PLEKHM3: variants seen among roughly 807,000 people sequenced by gnomAD.
PLEKHM3 encodes the protein pleckstrin homology domain containing M3.
PLEKHM3 carries 45 observed loss-of-function variants against 81.8 expected under a neutral mutation model. The ratio of observed to expected loss-of-function variants is 0.55; its 90% CI spans 0.43 to 0.71. The LOEUF (loss-of-function observed/expected upper bound fraction) is 0.71. Among genes scored for constraint, PLEKHM3 ranks in the 30% least tolerant of loss-of-function variants. The probability of loss-of-function intolerance (pLI) is 0.00; values close to 1 mark genes in which losing one functional copy is unlikely to be tolerated. For missense variants in PLEKHM3, 788 were observed against 924.3 expected, an observed-to-expected ratio of 0.85 and a Z score of 1.91; for synonymous variants, 352 against 356.4, an observed-to-expected ratio of 0.99 and a Z score of 0.14.
chr2:207,924,583 G>C (rs142647164), intron 5 of PLEKHM3, among the ~76,000 whole-genome samples: 2,335 of 152,278 alleles, frequency 0.015, 53 homozygotes, highest in African/African-American at 0.053. Flanking sequence ...TATTCAGGAG[G>C]CTGAGGCAGG....
chr2:207,973,481 G>A (rs1691194503), intron 3 of PLEKHM3, among the ~76,000 whole-genome samples: 1 of 152,236 alleles, frequency 6.6e-6, no homozygotes, highest in Non-Finnish European at 1.5e-5. Context: ...GCTTACGCCT[G>A]TAATCCCAGC....
chr2:208,014,666 G>A (rs775406852), intron 1 of PLEKHM3, among the ~76,000 whole-genome samples: 3 of 152,200 alleles, frequency 2.0e-5, no homozygotes, highest in Non-Finnish European at 4.4e-5. Flanking sequence ...AGAGTAGTAA[G>A]AACTATGTTT....
chr2:207,848,794 C>G (rs1382337426), intron 7 of PLEKHM3, among the ~76,000 whole-genome samples: 1 of 152,146 alleles, frequency 6.6e-6, no homozygotes, highest in Non-Finnish European at 1.5e-5. Context: ...AAACGTTGAG[C>G]GTGTTGGGAG....
intron 1 of PLEKHM3, among the ~76,000 whole-genome samples, chr2:208,021,527 T>C (rs1041859547): frequency 6.6e-6 from 1 of 152,266 alleles, no homozygotes; most frequent in African/African-American, 2.4e-5. Context: ...ACATTATTTA[T>C]GGATTTTATT....
At chr2:207,890,953 A>G (rs1331699404) in intron 6 of PLEKHM3, among the ~76,000 whole-genome samples, 1 of 152,216 alleles carries the variant, frequency 6.6e-6, no homozygotes, top group Non-Finnish European at 1.5e-5. Flanking sequence ...TTGGCTAACA[A>G]ACTTCAATAA....
intron 5 of PLEKHM3, among the ~76,000 whole-genome samples, chr2:207,912,208 T>C (rs1688831976): frequency 6.6e-6 from 1 of 152,248 alleles, no homozygotes; most frequent in Non-Finnish European, 1.5e-5. Context: ...CTCACAAAAA[T>C]TAACCAACTT....
At position 207,899,977 on chromosome 2, in the gene PLEKHM3, T is replaced by C. The variant is rs1688364262; in HGVS notation, c.1950+8537A>G. The C allele has an allele frequency of 2.6e-5, 4 of 152,152 alleles. No homozygotes were observed. In the South Asian group the frequency reaches 8.3e-4, roughly 32 times the overall value. The allele number at this position is 152,152 out of a possible 1,614,324, so 9.4% of individuals were successfully genotyped here. A position where few individuals can be genotyped will look rare whatever the true frequency, so the allele number is the denominator to read the frequency against. On this transcript the variant is annotated intron_variant, in intron 6 of 7. Transcript: ENST00000427836. ...CCAAGTTACTGGGTGTTCTGGTTACTATTACTGCAAAACAAATTACCCCAA... is the reference window on the plus strand; with the variant it reads ...CCAAGTTACTGGGTGTTCTGGTTACCATTACTGCAAAACAAATTACCCCAA...
chr2:207,921,838 T>G lies in PLEKHM3; in HGVS notation c.1886+9088A>C, dbSNP rs190610025. ...TCCATATTGCTGTGAATGACAGGAT[T>G]TCACTCTTTTTTATGGCTGAATGGT... is the stretch of plus-strand genomic sequence containing the variant. On this transcript the variant is annotated intron_variant, in intron 5 of 7. Transcript: ENST00000427836. 6.6e-5 allele frequency among the ~76,000 whole-genome samples: 10 copies of G among 152,364 alleles called. No homozygotes were observed. The East Asian group carries it at 1.5e-3, about 23-fold the overall frequency.
At chr2:207,955,290 GTCT>G (rs982433904) in intron 3 of PLEKHM3, among the ~76,000 whole-genome samples, 20 of 152,154 alleles carry the variant, frequency 1.3e-4, no homozygotes, top group African/African-American at 3.4e-4. Context: ...ATTGAAATCA[GTCT>G]AAACTTAGTA....
intron 6 of PLEKHM3, among the ~76,000 whole-genome samples, chr2:207,885,882 G>C (rs1687870906): frequency 6.6e-6 from 1 of 152,196 alleles, no homozygotes; most frequent in Non-Finnish European, 1.5e-5. Flanking sequence ...GAAAATGCTT[G>C]AGTACACTTT....
intron 1 of PLEKHM3, among the ~76,000 whole-genome samples, chr2:208,020,022 G>T (rs1471274802): frequency 6.6e-6 from 1 of 152,230 alleles, no homozygotes; most frequent in Non-Finnish European, 1.5e-5. Flanking sequence ...AAATCTGCTA[G>T]TTATATTTCT....
intron 2 of PLEKHM3, among the ~76,000 whole-genome samples, chr2:207,982,215 C>A (rs1299437616): frequency 8.6e-6 from 1 of 115,700 alleles, no homozygotes; most frequent in Non-Finnish European, 1.7e-5. Context: ...CTTCGTTCCT[C>A]CCTCCCTCCC....
At position 207,862,931 on chromosome 2, in the gene PLEKHM3, T is replaced by C. The variant is rs376638090; in HGVS notation, c.1951-1669A>G. The stretch of plus-strand genomic sequence containing the variant: ...GTACCCTCCCATGTGTGGAAATGTC[T>C]GCTCCAAGCCAAGGCTAGGCTTTGG... On this transcript the variant is annotated intron_variant, in intron 6 of 7. Transcript: ENST00000427836. 3.9e-5 allele frequency among the ~76,000 whole-genome samples: 6 copies of C among 152,348 alleles called. No individual in the cohort carries two copies. In the South Asian group the frequency reaches 6.2e-4, roughly 16 times the overall value.
intron 5 of PLEKHM3, among the ~76,000 whole-genome samples, chr2:207,926,491 C>A (rs1174759964): frequency 6.6e-6 from 1 of 152,180 alleles, no homozygotes; most frequent in Non-Finnish European, 1.5e-5. Flanking sequence ...CCAGAAATTT[C>A]CCTAACAGCT....
rs1194861994 is a variant in PLEKHM3, at chr2:207,837,761, A to ATTTTTTTTTTTTTTTTTTTTTTT, written c.2109-9288_2109-9266dup. On this transcript the variant is annotated intron_variant, in intron 7 of 7. Transcript: ENST00000427836. ...GCCACGGCGCCTGGCCGGTTCTTCC[A>ATTTTTTTTTTTTTTTTTTTTTTT]TTTTTTTTTTTTTTTTTTTTTTTTT... Among the ~76,000 whole-genome samples the ATTTTTTTTTTTTTTTTTTTTTTT allele has an allele frequency of 2.7e-5, 2 of 74,738 alleles. 1 individual carries two copies. The allele number at this position is 74,738 out of a possible 152,430, so 49.0% of individuals were successfully genotyped here. A position where few individuals can be genotyped will look rare whatever the true frequency, so the allele number is the denominator to read the frequency against.
At chr2:207,895,261 G>A (rs1325801777) in intron 6 of PLEKHM3, among the ~76,000 whole-genome samples, 2 of 152,174 alleles carry the variant, frequency 1.3e-5, no homozygotes, top group Non-Finnish European at 2.9e-5. Context: ...CCTTCAGTGA[G>A]ACTGCACCAT....
At chr2:207,970,220 G>GAA (rs112006863) in intron 3 of PLEKHM3, among the ~76,000 whole-genome samples, 28,785 of 151,670 alleles carry the variant, frequency 0.19, 3,623 homozygotes, top group African/African-American at 0.36. Flanking sequence ...AGGAGAGAGA[G>GAA]GAGAGGAAAG....
chr2:208,004,407 T>C (rs1191786164), intron 1 of PLEKHM3, among the ~76,000 whole-genome samples: 2 of 119,734 alleles, frequency 1.7e-5, no homozygotes, highest in South Asian at 5.2e-4. Flanking sequence ...AACAGAGCAA[T>C]GCCCTGTCTC....
intron 6 of PLEKHM3, among the ~76,000 whole-genome samples, chr2:207,863,162 A>G (rs1031825492): frequency 3.3e-5 from 5 of 152,256 alleles, no homozygotes; most frequent in Non-Finnish European, 7.3e-5. Context: ...TGCTTGGTGC[A>G]TAGGCAAGAC....
Sources: allele counts gnomAD v4.1 joint callset (sites outside exome capture counted in the v4.1 genomes callset), GRCh38; gene constraint gnomAD v4.1.1; transcripts MANE v1.5; gene names NCBI Gene and HGNC (gene_info 2026-07-23, HGNC 2026-07-21).